PTPRT: variants seen among roughly 807,000 people sequenced by gnomAD.
The protein encoded by PTPRT is protein tyrosine phosphatase receptor type T.
Under a neutral mutation model 176.8 loss-of-function variants are expected in PTPRT, and 56 were observed. The observed-to-expected ratio is 0.32, with a 90% CI of 0.26 to 0.40. The LOEUF (loss-of-function observed/expected upper bound fraction) is 0.40. PTPRT is among the 10% of genes least tolerant of loss of function. PTPRT has a pLI of 1.00. For missense variants in PTPRT, 1,540 were observed against 1,908.2 expected, an observed-to-expected ratio of 0.81 and a Z score of 3.60; for synonymous variants, 783 against 739.0, an observed-to-expected ratio of 1.06 and a Z score of -0.96.
chr20:43,023,614 A>T (rs1455906027), intron 1 of PTPRT, among the ~76,000 whole-genome samples: 2 of 152,160 alleles, frequency 1.3e-5, no homozygotes, highest in Non-Finnish European at 2.9e-5. Context: ...ATGTTCCTTA[A>T]ATATCTGTTC....
intron 1 of PTPRT, among the ~76,000 whole-genome samples, chr20:43,067,716 C>T (rs1359654678): frequency 6.6e-6 from 1 of 151,452 alleles, no homozygotes; most frequent in Non-Finnish European, 1.5e-5. Context: ...AATCCCAGCA[C>T]TTTGGGAGGC....
At position 42,611,660 on chromosome 20, in the gene PTPRT, C is replaced by G. The variant is rs145030519; in HGVS notation, c.1153+66206G>C. On this transcript the variant is annotated intron_variant, in intron 7 of 30. Transcript: ENST00000373187. The stretch of plus-strand genomic sequence containing the variant: ...TCATTGCTGAGATGGTCAGGAATGA[C>G]AGCGACTGAACTTTCTATCCAAACT... Among the ~76,000 whole-genome samples, 27 of 152,332 alleles carry G rather than the reference C, an allele frequency of 1.8e-4. No homozygotes were observed. The East Asian group carries it at 4.4e-3, about 25-fold the overall frequency.
At chr20:42,971,252 T>A (rs1982620812) in intron 1 of PTPRT, 1 of 152,216 alleles carries the variant, frequency 6.6e-6, no homozygotes, top group Non-Finnish European at 1.5e-5. Flanking sequence ...AAAGTGCTGT[T>A]TGAAGAATTT....
At chr20:42,707,560 TG>T (rs3092035) in intron 6 of PTPRT, among the ~76,000 whole-genome samples, 3,651 of 152,266 alleles carry the variant, frequency 0.024, 177 homozygotes, top group African/African-American at 0.084. Context: ...AGAATGTGTG[TG>T]GCCTCTAGGA....
At chr20:43,176,431 T>G (rs1443312333) in intron 1 of PTPRT, among the ~76,000 whole-genome samples, 1 of 152,264 alleles carries the variant, frequency 6.6e-6, no homozygotes, top group African/African-American at 2.4e-5. Flanking sequence ...TGCAGAAATA[T>G]TACAAAGAGA....
At chr20:42,118,036 G>T (rs1466198426) in intron 21 of PTPRT, among the ~76,000 whole-genome samples, 1 of 152,084 alleles carries the variant, frequency 6.6e-6, no homozygotes, top group African/African-American at 2.4e-5. Flanking sequence ...CGACCATTTG[G>T]GTCAACAAAA....
intron 6 of PTPRT, among the ~76,000 whole-genome samples, chr20:42,743,207 T>C (rs2076637966): frequency 6.6e-6 from 1 of 152,078 alleles, no homozygotes; most frequent in African/African-American, 2.4e-5. Context: ...TGAAAGTGAG[T>C]CACATCTGCC....
intron 11 of PTPRT, among the ~76,000 whole-genome samples, chr20:42,338,340 A>C (rs1413788262): frequency 2.0e-5 from 3 of 152,184 alleles, no homozygotes; most frequent in Non-Finnish European, 4.4e-5. Context: ...TGCCAGTTGC[A>C]GAGGAGCCAT....
intron 7 of PTPRT, among the ~76,000 whole-genome samples, chr20:42,560,975 T>C (rs934411277): frequency 1.6e-4 from 24 of 152,170 alleles, no homozygotes; most frequent in African/African-American, 5.8e-4. Context: ...TTCCTGTCTG[T>C]GGGCTACTTC....
intron 8 of PTPRT, among the ~76,000 whole-genome samples, chr20:42,458,378 C>T (rs1006816094): frequency 6.6e-6 from 1 of 152,120 alleles, no homozygotes; most frequent in Non-Finnish European, 1.5e-5. Flanking sequence ...CTGTTCCCAC[C>T]ACTGTATTAC....
At chr20:43,030,749 T>G (rs1347127953) in intron 1 of PTPRT, among the ~76,000 whole-genome samples, 1 of 152,074 alleles carries the variant, frequency 6.6e-6, no homozygotes, top group African/African-American at 2.4e-5. Context: ...CAGGAGGTGG[T>G]GTGGAGCAAG....
chr20:42,724,271 G>A (rs76058916), intron 6 of PTPRT, among the ~76,000 whole-genome samples: 1 of 152,158 alleles, frequency 6.6e-6, no homozygotes, highest in Non-Finnish European at 1.5e-5. Context: ...CCAGCTGTGT[G>A]GTTGTTTCAA....
At chr20:42,399,503 G>A (rs2145698624) in intron 9 of PTPRT, among the ~76,000 whole-genome samples, 1 of 152,300 alleles carries the variant, frequency 6.6e-6, no homozygotes, top group African/African-American at 2.4e-5. Flanking sequence ...CTGGGATGGG[G>A]AGCTTTAAAA....
chr20:42,834,649 T>G (rs1467532003), intron 2 of PTPRT, among the ~76,000 whole-genome samples: 1 of 152,176 alleles, frequency 6.6e-6, no homozygotes, highest in Admixed American at 6.5e-5. Context: ...GGGTTTCTCT[T>G]CCAATAATCT....
chr20:43,160,462 T>C (rs1197344650), intron 1 of PTPRT, among the ~76,000 whole-genome samples: 1 of 152,176 alleles, frequency 6.6e-6, no homozygotes, highest in African/African-American at 2.4e-5. Flanking sequence ...AGTGGTTTCT[T>C]TACACAGGAC....
At chr20:42,270,509 A>G (rs1019083278) in intron 13 of PTPRT, 19 of 1,492,526 alleles carry the variant, frequency 1.3e-5, no homozygotes, top group Non-Finnish European at 1.6e-5. Flanking sequence ...GAGAGAAAGA[A>G]ACACACATGA....
At chr20:42,704,636 G>A (rs563319681) in intron 6 of PTPRT, among the ~76,000 whole-genome samples, 162 of 152,022 alleles carry the variant, frequency 1.1e-3, no homozygotes, top group Non-Finnish European at 2.1e-3. Flanking sequence ...AACTAATTTG[G>A]GAAGCCTTCT....
At chr20:42,345,618 G>C (rs3061918) in intron 11 of PTPRT, among the ~76,000 whole-genome samples, 1 of 105,646 alleles carries the variant, frequency 9.5e-6, no homozygotes. Context: ...GTGTGTGTGT[G>C]TATATATATG....
chr20:42,440,009 C>T lies in PTPRT; in HGVS notation c.1560+8211G>A, dbSNP rs372426225. ...GCAACCTCTGACTCCTGAGTTCAAG[C>T]GATTCTCCTGCCTCAGCCTCCCAAG... On this transcript the variant is annotated intron_variant, in intron 9 of 30. Transcript: ENST00000373187. 6.7e-4 allele frequency among the ~76,000 whole-genome samples: 102 copies of T among 152,266 alleles called. 1 individual carries two copies. The East Asian group carries it at 0.014, about 21-fold the overall frequency.
Sources: gnomAD v4.1 joint callset for allele counts (sites outside exome capture counted in the v4.1 genomes callset) on GRCh38, gnomAD v4.1.1 for gene constraint, MANE v1.5 for transcripts, NCBI Gene and HGNC (gene_info 2026-07-23, HGNC 2026-07-21) for gene names.